Variants in GPC6 observed in about 807,000 individuals in gnomAD.
The protein encoded by GPC6 is glypican-6.
A neutral mutation model predicts 55.2 loss-of-function variants in GPC6; 14 were observed. That is an observed-to-expected ratio of 0.25 (90% confidence interval 0.17 to 0.40). The LOEUF is 0.40. Ranked by LOEUF, GPC6 falls within the 10% of genes least tolerant of loss-of-function variation. The probability of loss-of-function intolerance (pLI) is 1.00; values close to 1 mark genes in which losing one functional copy is unlikely to be tolerated. For missense variants in GPC6, 641 were observed against 708.5 expected (o/e 0.90, Z 1.08); for synonymous variants, 278 against 259.6 (o/e 1.07, Z -0.68).
At chr13:93,657,510 C>T (rs960868492) in intron 2 of GPC6, among the ~76,000 whole-genome samples, 3 of 151,942 alleles carry the variant, frequency 2.0e-5, no homozygotes, top group African/African-American at 4.8e-5. Flanking sequence ...AGAAGAAAAC[C>T]TAGAAAACAT....
intron 1 of GPC6, among the ~76,000 whole-genome samples, chr13:93,434,637 A>G (rs55671632): frequency 0.035 from 5,317 of 152,238 alleles, 310 homozygotes; most frequent in African/African-American, 0.12. Flanking sequence ...ACTGGCATAT[A>G]ATCTGTCTGT....
At chr13:94,034,941 G>T (rs1335973124) in intron 4 of GPC6, among the ~76,000 whole-genome samples, 1 of 150,264 alleles carries the variant, frequency 6.7e-6, no homozygotes, top group Non-Finnish European at 1.5e-5. Flanking sequence ...TATATAATAT[G>T]ATAGGAAGTT....
chr13:93,765,310 T>TAAGCTGTCTGTAAAGACAAC (rs1361108806), intron 2 of GPC6, among the ~76,000 whole-genome samples: 1 of 38,418 alleles, frequency 2.6e-5, no homozygotes, highest in Non-Finnish European at 5.4e-5. Context: ...AGACAACTTA[T>TAAGCTGTCTGTAAAGACAAC]TTGGTTTAAG....
chr13:94,283,757 G>C (rs988756811), intron 4 of GPC6, among the ~76,000 whole-genome samples: 1 of 152,222 alleles, frequency 6.6e-6, no homozygotes, highest in Admixed American at 6.5e-5. Flanking sequence ...AGGATCTGCT[G>C]ATCATTAGCT....
intron 4 of GPC6, among the ~76,000 whole-genome samples, chr13:94,070,313 T>G (rs1884683293): frequency 6.6e-6 from 1 of 152,178 alleles, no homozygotes; most frequent in African/African-American, 2.4e-5. Flanking sequence ...GTTCCTCCTG[T>G]GACATGTAGG....
intron 2 of GPC6, among the ~76,000 whole-genome samples, chr13:93,778,500 G>T (rs957302638): frequency 6.6e-6 from 1 of 152,108 alleles, no homozygotes; most frequent in African/African-American, 2.4e-5. Context: ...AGGTGAGAAA[G>T]GAGACATTAA....
At chr13:94,170,226 T>C (rs1289421918) in intron 4 of GPC6, among the ~76,000 whole-genome samples, 1 of 152,208 alleles carries the variant, frequency 6.6e-6, no homozygotes, top group African/African-American at 2.4e-5. Flanking sequence ...CTAGCCTCTT[T>C]TTCTGATGCC....
intron 3 of GPC6, among the ~76,000 whole-genome samples, chr13:93,911,406 CT>C (rs35679537): frequency 6.7e-6 from 1 of 149,920 alleles, no homozygotes; most frequent in Non-Finnish European, 1.5e-5. Flanking sequence ...AGATAATTGA[CT>C]GTGTGTGTGT....
At chr13:93,459,271 G>T (rs898964474) in intron 1 of GPC6, among the ~76,000 whole-genome samples, 1 of 152,092 alleles carries the variant, frequency 6.6e-6, no homozygotes, top group Non-Finnish European at 1.5e-5. Flanking sequence ...TCACTATGTT[G>T]GCCAGGTTGA....
intron 1 of GPC6, among the ~76,000 whole-genome samples, chr13:93,360,999 C>CT (rs1218404816): frequency 6.6e-6 from 1 of 152,092 alleles, no homozygotes; most frequent in Non-Finnish European, 1.5e-5. Flanking sequence ...ATCTTACTCG[C>CT]TTTTTTTGTT....
chr13:94,200,371 A>T (rs1889713045), intron 4 of GPC6, among the ~76,000 whole-genome samples: 1 of 152,206 alleles, frequency 6.6e-6, no homozygotes, highest in Non-Finnish European at 1.5e-5. Flanking sequence ...AGAGCACATG[A>T]GGATATGTAA....
intron 2 of GPC6, among the ~76,000 whole-genome samples, chr13:93,646,441 C>T (rs1880175082): frequency 6.6e-6 from 1 of 152,016 alleles, no homozygotes; most frequent in Non-Finnish European, 1.5e-5. Context: ...TAATGTCATC[C>T]GTTGCCAGAA....
intron 5 of GPC6, among the ~76,000 whole-genome samples, chr13:94,288,722 TTATA>T (rs1231246868): frequency 3.3e-5 from 4 of 120,640 alleles, no homozygotes; most frequent in Admixed American, 2.9e-4. Context: ...TATATATTTG[TTATA>T]TATATATAAC....
chr13:93,900,751 G>C (rs1876300682), intron 3 of GPC6, among the ~76,000 whole-genome samples: 1 of 152,104 alleles, frequency 6.6e-6, no homozygotes, highest in African/African-American at 2.4e-5. Flanking sequence ...GAATGCAGTA[G>C]AGGTATGAGT....
chr13:93,460,451 A>G (rs537065471), intron 1 of GPC6, among the ~76,000 whole-genome samples: 108 of 151,950 alleles, frequency 7.1e-4, no homozygotes, highest in African/African-American at 2.6e-3. Context: ...AGAATTCCAC[A>G]AACATTTAAA....
intron 2 of GPC6, among the ~76,000 whole-genome samples, chr13:93,656,297 A>G (rs1349848936): frequency 6.6e-6 from 1 of 152,164 alleles, no homozygotes; most frequent in Non-Finnish European, 1.5e-5. Flanking sequence ...GTTTGCAGTT[A>G]TTGATTTTAT....
intron 3 of GPC6, among the ~76,000 whole-genome samples, chr13:93,965,708 G>A (rs1400239219): frequency 6.6e-6 from 1 of 152,056 alleles, no homozygotes; most frequent in East Asian, 1.9e-4. Flanking sequence ...CCAGATATGT[G>A]TAGACAGCCT....
At chr13:94,174,846 C>T (rs1888690369) in intron 4 of GPC6, among the ~76,000 whole-genome samples, 1 of 152,018 alleles carries the variant, frequency 6.6e-6, no homozygotes, top group South Asian at 2.1e-4. Context: ...ATTCATGATT[C>T]CATTAATTTT....
Position 94,404,491 on chromosome 13 carries a change from CAAA to C in GPC6, c.*1275_*1277del, listed in dbSNP as rs974178264. 7 of 152,126 alleles carry C rather than the reference CAAA, an allele frequency of 4.6e-5. No individual in the cohort carries two copies. The highest frequency in any genetic ancestry group is 1.7e-4 in the African/African-American group (7 of 41,424). The allele number at this position is 152,126 out of a possible 1,614,324, so 9.4% of individuals were successfully genotyped here. The stretch of plus-strand genomic sequence containing the variant: ...CCAGCTCTTCTTGTTTTGTGCTGCT[CAAA>C]GAAGGGATTCCTCAGTGATCGGTGA... On this transcript the variant is annotated 3_prime_UTR_variant, in exon 9 of 9. Transcript: ENST00000377047.
Sources: gnomAD v4.1 joint callset for allele counts (sites outside exome capture counted in the v4.1 genomes callset) on GRCh38, gnomAD v4.1.1 for gene constraint, MANE v1.5 for transcripts, NCBI Gene and HGNC (gene_info 2026-07-23, HGNC 2026-07-21) for gene names.